Variants in PRKD2 observed in about 807,000 individuals in gnomAD.
PRKD2 encodes the protein protein kinase D2.
PRKD2 carries 22 observed loss-of-function variants against 86.0 expected under a neutral mutation model. That is an observed-to-expected ratio of 0.26 (90% CI 0.18 to 0.37). The LOEUF is 0.37. Ranked by LOEUF, PRKD2 falls within the 10% of genes least tolerant of loss-of-function variation. The probability of loss-of-function intolerance (pLI) is 1.00; values close to 1 mark genes in which losing one functional copy is unlikely to be tolerated. For synonymous variants in PRKD2, 509 were observed against 510.9 expected (o/e 1.00, Z 0.05); for missense variants, 818 against 1,199.2 (o/e 0.68, Z 4.70).
Position 46,716,166 on chromosome 19 carries a change from C to T in PRKD2, c.205G>A (p.Val69Met), listed in dbSNP as rs2122191882. Reference protein sequence around the residue: ...LLPAASELAHVKQLACSIVDQ... With the variant: ...LLPAASELAHMKQLACSIVDQ... ...ACGATGGAACAGGCCAGCTGCTTCA[C>T]ATGAGCCAGCTCGGAGGCGGCGGGC... The change falls in exon 1 of 18, where the codon GTG becomes ATG. Residue 69 changes from valine to methionine, a missense_variant. Physicochemically the swap from Val to Met is conservative, Grantham distance 21. This residue lies in a region of PRKD2 where 403 missense variants were observed against 518.6 expected (regional missense o/e 0.78). Transcript: ENST00000291281. The surrounding 1 kb of genome is among the most constrained non-coding windows in gnomAD (Gnocchi z 7.9). 6.2e-7 allele frequency: 1 copy of T among 1,611,726 alleles called. No homozygotes were observed. Among genetic ancestry groups the T allele is most frequent in the East Asian group, 2.2e-5 (1 of 44,568 alleles).
chr19:46,704,139 T>C (rs2053676548), intron 5 of PRKD2, 30 bp downstream of exon 5: 1 of 1,612,472 alleles, frequency 6.2e-7, no homozygotes, highest in African/African-American at 1.3e-5. Flanking sequence ...GTTCTGACCC[T>C]GTCTGTCCTC....
chr19:46,681,695 C>T lies in PRKD2; in HGVS notation c.2025G>A (p.Leu675=). 6.3e-7 allele frequency: 1 copy of T among 1,588,730 alleles called. No homozygotes were observed. Among genetic ancestry groups the T allele is most frequent in the Non-Finnish European group, 8.6e-7 (1 of 1,164,842 alleles). ...ATGCCAGCAACACGTTTTCTGGTTT[C>T]AAGTCACAGTGGACAATGTTCTTGA... The part of the protein sequence containing the change: ...LHFKNIVHCD[L]KPENVLLASA... The change falls in exon 15 of 18, where the codon TTG becomes TTA. Residue 675 remains leucine, a synonymous_variant. Coordinates refer to ENST00000291281, the MANE Select transcript of PRKD2 (RefSeq NM_016457.5).
intron 17 of PRKD2, 21 bp downstream of exon 17, chr19:46,675,012 C>T (rs1200132213): frequency 9.4e-6 from 15 of 1,587,650 alleles, no homozygotes; most frequent in Non-Finnish European, 1.3e-5. Context: ...GCCAATGGGC[C>T]AGCCCTGCCC....
intron 8 of PRKD2, 146 bp from the exon 9 acceptor site, chr19:46,697,380 A>G (rs1176979379): frequency 1.9e-5 from 11 of 573,628 alleles, no homozygotes; most frequent in Non-Finnish European, 3.0e-5. Context: ...ACCCCACCCC[A>G]CCACACGCCC....
intron 14 of PRKD2, among the ~76,000 whole-genome samples, chr19:46,683,612 G>A (rs370862122): frequency 6.6e-6 from 1 of 152,020 alleles, no homozygotes; most frequent in Admixed American, 6.6e-5. Flanking sequence ...CAGCTACTCG[G>A]GAGGCTGAGG....
At chr19:46,694,623 G>A (rs1394412401) in intron 9 of PRKD2, among the ~76,000 whole-genome samples, 2 of 152,038 alleles carry the variant, frequency 1.3e-5, no homozygotes, top group East Asian at 3.9e-4. Flanking sequence ...ACTAATTACT[G>A]GCAGAAGTGA....
intron 14 of PRKD2, 107 bp downstream of exon 14, chr19:46,689,430 C>G: frequency 7.7e-7 from 1 of 1,297,288 alleles, no homozygotes; most frequent in East Asian, 2.5e-5. Flanking sequence ...CTGTTATCTG[C>G]TATTGTGACT....
At chr19:46,702,248 C>G (rs1286795820) in intron 5 of PRKD2, among the ~76,000 whole-genome samples, 9 of 152,030 alleles carry the variant, frequency 5.9e-5, no homozygotes, top group Non-Finnish European at 1.0e-4. Context: ...CCATGTTGTA[C>G]AAGCTGGTCT....
chr19:46,680,290 T>C (rs538813019), intron 15 of PRKD2, among the ~76,000 whole-genome samples: 1 of 152,210 alleles, frequency 6.6e-6, no homozygotes, highest in East Asian at 1.9e-4. Flanking sequence ...AAATTTTTAT[T>C]TTATTATTAT....
chr19:46,704,652 G>A lies in PRKD2; in HGVS notation c.512-3C>T, dbSNP rs753496761. On this transcript the variant is annotated splice_polypyrimidine_tract_variant and splice_region_variant and intron_variant, in intron 3 of 17. Transcript: ENST00000291281. The stretch of plus-strand genomic sequence containing the variant: ...CTTGTGGTAGTTCAGCCCGCAGCCT[G>A]CAGGGGGCGCCAGAGAGTAAGAGAC... 2 of 1,599,216 alleles carry A rather than the reference G, an allele frequency of 1.3e-6. No homozygotes were observed. The highest frequency in any genetic ancestry group is 8.5e-7 in the Non-Finnish European group (1 of 1,171,784).
At chr19:46,714,279 G>T in intron 1 of PRKD2, 1 of 1,206,260 alleles carries the variant, frequency 8.3e-7, no homozygotes, top group Non-Finnish European at 1.0e-6. Context: ...TGGACACCTC[G>T]AATTTTCCGG....
At chr19:46,714,233 GGAGCTGGGGTGGGAGGGA>G in intron 1 of PRKD2, 1 of 1,300,142 alleles carries the variant, frequency 7.7e-7, no homozygotes, top group Non-Finnish European at 9.8e-7. Context: ...GCTGGAAGGG[GGAGCTGGGGTGGGAGGGA>G]GAGTGGCTCC....
intron 14 of PRKD2, among the ~76,000 whole-genome samples, chr19:46,684,666 A>T (rs2053367728): frequency 6.6e-6 from 1 of 152,112 alleles, no homozygotes; most frequent in Admixed American, 6.5e-5. Flanking sequence ...GTTCATGTGA[A>T]CAAAGAGGGC....
intron 2 of PRKD2, 112 bp downstream of exon 2, chr19:46,713,751 G>A: frequency 6.5e-6 from 7 of 1,069,040 alleles, no homozygotes; most frequent in South Asian, 1.6e-5. Context: ...GATCACAGGC[G>A]TGAGCCACTA....
At position 46,693,765 on chromosome 19, in the gene PRKD2, GT is replaced by G; in HGVS notation, c.1576+109del. 1 of 1,441,190 alleles carries G rather than the reference GT, an allele frequency of 6.9e-7. No individual in the cohort carries two copies. Among genetic ancestry groups the G allele is most frequent in the South Asian group, 1.4e-5 (1 of 73,966 alleles). 89.3% of individuals were successfully genotyped at this position (1,441,190 alleles called of 1,614,324 possible). A position where few individuals can be genotyped will look rare whatever the true frequency, so the allele number is the denominator to read the frequency against. ...CAGGCCTGCTGAGTCCAGAAGCTGC[GT>G]TCTCAACCCCACCATTGCCCACTTT... is the stretch of plus-strand genomic sequence containing the variant. On this transcript the variant is annotated intron_variant, in intron 10 of 17. Coordinates refer to ENST00000291281, the MANE Select transcript of PRKD2 (RefSeq NM_016457.5). This position sits in a 1 kb window ranked among gnomAD's most constrained non-coding sequence, Gnocchi z 4.5.
intron 12 of PRKD2, among the ~76,000 whole-genome samples, chr19:46,690,923 G>A (rs566019168): frequency 2.6e-5 from 4 of 152,282 alleles, no homozygotes; most frequent in South Asian, 2.1e-4. Flanking sequence ...AAAAAGCTCC[G>A]AAGAAGGGAA....
intron 16 of PRKD2, among the ~76,000 whole-genome samples, chr19:46,676,051 G>A (rs2053196465): frequency 6.6e-6 from 1 of 152,152 alleles, no homozygotes; most frequent in African/African-American, 2.4e-5. Flanking sequence ...CAGCCACTGC[G>A]CCTGACCAAC....
intron 16 of PRKD2, 103 bp from the exon 17 acceptor site, chr19:46,675,221 T>A: frequency 1.1e-6 from 1 of 943,254 alleles, no homozygotes; most frequent in Non-Finnish European, 1.7e-6. Context: ...ACCTTCCTTC[T>A]GCACCAGCTC....
chr19:46,678,481 G>C lies in PRKD2; in HGVS notation c.2253C>G (p.Phe751Leu). The C allele has an allele frequency of 6.2e-7, 1 of 1,614,224 alleles. No homozygotes were observed. The highest frequency in any genetic ancestry group is 1.3e-5 in the African/African-American group (1 of 75,064). Residue 751 changes from phenylalanine to leucine, a missense_variant, in exon 16 of 18, where the codon TTC becomes TTG. Physicochemically the swap from Phe to Leu is conservative, Grantham distance 22. This residue lies in a region of PRKD2 where 154 missense variants were observed against 359.6 expected (regional missense o/e 0.43). Coordinates refer to ENST00000291281, the MANE Select transcript of PRKD2 (RefSeq NM_016457.5). This position sits in a 1 kb window ranked among gnomAD's most constrained non-coding sequence, Gnocchi z 5.7. ...MYVSLSGTFP[F>L]NEDEDINDQI... ...GGTCATTGATGTCCTCATCCTCGTTGAAAGGGAAGGTGCCGCTGAGGCTGA... is the reference window on the plus strand; with the variant it reads ...GGTCATTGATGTCCTCATCCTCGTTCAAAGGGAAGGTGCCGCTGAGGCTGA...
Sources: gnomAD v4.1 joint callset for allele counts (sites outside exome capture counted in the v4.1 genomes callset) on GRCh38, gnomAD v4.1.1 for gene constraint, gnomAD v4.1.1 regional missense constraint, Gnocchi (gnomAD v3.1) non-coding constraint, MANE v1.5 for transcripts, NCBI Gene and HGNC (gene_info 2026-07-23, HGNC 2026-07-21) for gene names.